The following RALYL variants were observed in gnomAD, a reference collection of about 807,000 sequenced individuals.
The protein encoded by RALYL is RNA-binding Raly-like protein.
RALYL carries 29 observed loss-of-function variants against 35.1 expected under a neutral mutation model. The ratio of observed to expected loss-of-function variants is 0.83; its 90% CI spans 0.61 to 1.13. RALYL has a LOEUF of 1.13. Among genes scored for constraint, RALYL ranks in the 50% most tolerant of loss-of-function variants. The pLI is 0.00. For synonymous variants in RALYL, 120 were observed against 127.6 expected (o/e 0.94, Z 0.40); for missense variants, 359 against 360.4 (o/e 1.00, Z 0.03).
At chr8:84,289,984 A>G (rs747009041) in intron 1 of RALYL, among the ~76,000 whole-genome samples, 17 of 152,148 alleles carry the variant, frequency 1.1e-4, no homozygotes, top group Admixed American at 6.5e-4. Context: ...TGGTTTGAGG[A>G]TGTTTTCTTA....
chr8:84,535,530 G>T (rs2059542804), intron 2 of RALYL, among the ~76,000 whole-genome samples: 1 of 151,684 alleles, frequency 6.6e-6, no homozygotes, highest in Non-Finnish European at 1.5e-5. Flanking sequence ...CCGCCTCCTG[G>T]GTTCACGCCA....
At chr8:84,591,526 A>G (rs567338879) in intron 2 of RALYL, among the ~76,000 whole-genome samples, 9 of 152,290 alleles carry the variant, frequency 5.9e-5, no homozygotes, top group African/African-American at 2.2e-4. Flanking sequence ...AATAACAGAT[A>G]GTAAGCACAC....
intron 1 of RALYL, among the ~76,000 whole-genome samples, chr8:84,203,124 G>A (rs1022722451): frequency 3.9e-5 from 6 of 152,126 alleles, no homozygotes; most frequent in Non-Finnish European, 5.9e-5. Context: ...AGTGGTTTGG[G>A]TTTCTTACTT....
At chr8:84,290,631 A>G (rs1364980330) in intron 1 of RALYL, among the ~76,000 whole-genome samples, 3 of 152,140 alleles carry the variant, frequency 2.0e-5, no homozygotes, top group Non-Finnish European at 4.4e-5. Context: ...GAATGTCATC[A>G]GTTAAGGTGG....
chr8:84,539,866 A>G (rs1463914152), intron 2 of RALYL, among the ~76,000 whole-genome samples: 22 of 6,436 alleles, frequency 3.4e-3, no homozygotes, highest in African/African-American at 7.3e-3. Context: ...ATATATATAT[A>G]TATATATATA....
At chr8:84,290,488 C>G (rs1171030244) in intron 1 of RALYL, among the ~76,000 whole-genome samples, 2 of 143,852 alleles carry the variant, frequency 1.4e-5, no homozygotes, top group African/African-American at 2.6e-5. Context: ...TGTTCTCTGG[C>G]GGGCAGGAGT....
At chr8:84,388,603 AT>A (rs553748367) in intron 1 of RALYL, among the ~76,000 whole-genome samples, 17,007 of 151,980 alleles carry the variant, frequency 0.11, 1,341 homozygotes, top group Non-Finnish European at 0.18. Context: ...GATGGTGAGC[AT>A]TTTTTCATGT....
intron 2 of RALYL, among the ~76,000 whole-genome samples, chr8:84,584,952 C>T (rs1811659183): frequency 6.6e-6 from 1 of 152,062 alleles, no homozygotes; most frequent in Non-Finnish European, 1.5e-5. Context: ...AGTGGTTTGC[C>T]CTAGAGCAGC....
intron 3 of RALYL, among the ~76,000 whole-genome samples, chr8:84,786,729 G>C (rs1334000503): frequency 1.3e-5 from 2 of 149,646 alleles, no homozygotes; most frequent in Non-Finnish European, 3.0e-5. Context: ...CTAGATATTA[G>C]ACCTTTGTCA....
chr8:84,777,800 C>A (rs1817184491), intron 3 of RALYL, among the ~76,000 whole-genome samples: 1 of 152,212 alleles, frequency 6.6e-6, no homozygotes, highest in African/African-American at 2.4e-5. Context: ...GGCCACCACA[C>A]CTGGCTAATT....
chr8:84,295,917 G>A (rs963288355), intron 1 of RALYL, among the ~76,000 whole-genome samples: 5 of 152,106 alleles, frequency 3.3e-5, no homozygotes, highest in African/African-American at 7.2e-5. Context: ...TGCTGACTGT[G>A]GAAGGGACAC....
At chr8:84,313,471 T>A (rs1843182346) in intron 1 of RALYL, among the ~76,000 whole-genome samples, 1 of 152,284 alleles carries the variant, frequency 6.6e-6, no homozygotes, top group African/African-American at 2.4e-5. Flanking sequence ...TTTTTAAACA[T>A]AAGTTCCAAT....
chr8:84,607,985 G>C (rs1201611660), intron 2 of RALYL, among the ~76,000 whole-genome samples: 1 of 151,128 alleles, frequency 6.6e-6, no homozygotes, highest in African/African-American at 2.4e-5. Flanking sequence ...TGAAGTTTCT[G>C]AGTACTCAGT....
chr8:84,578,658 C>A (rs1453561993), intron 2 of RALYL, among the ~76,000 whole-genome samples: 1 of 152,130 alleles, frequency 6.6e-6, no homozygotes, highest in South Asian at 2.1e-4. Context: ...TGGGTAGCTC[C>A]TATCCACAGG....
intron 1 of RALYL, among the ~76,000 whole-genome samples, chr8:84,347,821 G>T (rs1850125427): frequency 6.6e-6 from 1 of 152,060 alleles, no homozygotes; most frequent in South Asian, 2.1e-4. Context: ...TCTATTAAAA[G>T]AAAATCTGTA....
chr8:84,664,129 T>G (rs2131696646), intron 2 of RALYL, among the ~76,000 whole-genome samples: 1 of 152,212 alleles, frequency 6.6e-6, no homozygotes, highest in East Asian at 1.9e-4. Context: ...TGGTTGTAGG[T>G]GTGTGGACTT....
chr8:84,584,035 A>T (rs1188529106), intron 2 of RALYL, among the ~76,000 whole-genome samples: 1 of 152,194 alleles, frequency 6.6e-6, no homozygotes, highest in Non-Finnish European at 1.5e-5. Flanking sequence ...ACAGGCATGC[A>T]GTGCATAATA....
intron 8 of RALYL, among the ~76,000 whole-genome samples, chr8:84,908,787 T>C (rs1318394471): frequency 6.6e-6 from 1 of 151,718 alleles, no homozygotes; most frequent in Non-Finnish European, 1.5e-5. Context: ...CAGAGCTCAA[T>C]CCTGCTGATC....
At chr8:84,494,247 T>C (rs7816537) in intron 1 of RALYL, among the ~76,000 whole-genome samples, 2,306 of 152,272 alleles carry the variant, frequency 0.015, 47 homozygotes, top group African/African-American at 0.052. Context: ...GTCTCTATTC[T>C]GTTCCATTGG....
Sources: gnomAD v4.1 joint callset for allele counts (sites outside exome capture counted in the v4.1 genomes callset) on GRCh38, gnomAD v4.1.1 for gene constraint, MANE v1.5 for transcripts, NCBI Gene and HGNC (gene_info 2026-07-23, HGNC 2026-07-21) for gene names.